The following WWOX variants were observed in gnomAD, a reference collection of about 807,000 sequenced individuals.
WWOX encodes the protein WW domain-containing oxidoreductase.
In WWOX, 69 loss-of-function variants were observed where a neutral mutation model predicts 46.2. The observed-to-expected ratio is 1.49, with a 90% CI of 1.23 to 1.82. The LOEUF (loss-of-function observed/expected upper bound fraction) is 1.82, where lower values mean the gene tolerates loss of function less well. Among genes scored for constraint, WWOX ranks in the 40% most tolerant of loss-of-function variants. WWOX has a pLI of 0.00. For synonymous variants in WWOX, 359 were observed against 202.6 expected (o/e 1.77, Z -6.56); for missense variants, 919 against 542.6 (o/e 1.69, Z -6.89).
At chr16:78,330,856 A>G (rs1240804170) in intron 5 of WWOX, among the ~76,000 whole-genome samples, 1 of 152,232 alleles carries the variant, frequency 6.6e-6, no homozygotes, top group African/African-American at 2.4e-5. Context: ...AAGAAAATAA[A>G]ATTAGATTTT....
chr16:78,709,014 CTA>C (rs1422019434), intron 8 of WWOX, among the ~76,000 whole-genome samples: 2 of 152,154 alleles, frequency 1.3e-5, no homozygotes, highest in Non-Finnish European at 2.9e-5. Context: ...GGCTCATAAA[CTA>C]TGTTTCGAAA....
At chr16:79,019,590 A>G (rs1416509926) in intron 8 of WWOX, among the ~76,000 whole-genome samples, 1 of 152,048 alleles carries the variant, frequency 6.6e-6, no homozygotes, top group African/African-American at 2.4e-5. Flanking sequence ...ACAAAAGCAG[A>G]AAGCAAGCAA....
At chr16:78,401,231 C>CT (rs147220664) in intron 6 of WWOX, among the ~76,000 whole-genome samples, 10,576 of 152,178 alleles carry the variant, frequency 0.069, 469 homozygotes, top group Middle Eastern at 0.14. Flanking sequence ...TCTAATACCA[C>CT]TTTTTTCTAC....
intron 8 of WWOX, among the ~76,000 whole-genome samples, chr16:78,792,326 C>T (rs944579207): frequency 6.6e-6 from 1 of 152,086 alleles, no homozygotes; most frequent in Non-Finnish European, 1.5e-5. Flanking sequence ...GGATCTCTCT[C>T]CTCTACTTCC....
intron 5 of WWOX, among the ~76,000 whole-genome samples, chr16:78,384,795 T>C (rs1268308857): frequency 6.6e-6 from 1 of 152,154 alleles, no homozygotes; most frequent in Admixed American, 6.5e-5. Flanking sequence ...GATGTGCTGT[T>C]GGGGTTTGGG....
intron 4 of WWOX, among the ~76,000 whole-genome samples, chr16:78,132,615 G>T (rs1489034508): frequency 2.6e-5 from 4 of 152,124 alleles, no homozygotes; most frequent in African/African-American, 9.7e-5. Context: ...CTCTTGAGAT[G>T]GTATGTGCTA....
intron 8 of WWOX, among the ~76,000 whole-genome samples, chr16:78,712,497 T>C (rs2048464449): frequency 6.7e-6 from 1 of 149,496 alleles, no homozygotes; most frequent in Non-Finnish European, 1.5e-5. Context: ...TGAGACTCCA[T>C]CTTAAAAAAA....
At chr16:78,846,655 C>T (rs532280766) in intron 8 of WWOX, among the ~76,000 whole-genome samples, 12 of 152,168 alleles carry the variant, frequency 7.9e-5, no homozygotes, top group African/African-American at 2.4e-4. Context: ...TCTCGGTTAA[C>T]GTGGTATCTG....
chr16:78,602,347 C>T (rs1365520461), intron 8 of WWOX, among the ~76,000 whole-genome samples: 2 of 152,162 alleles, frequency 1.3e-5, no homozygotes, highest in Non-Finnish European at 2.9e-5. Flanking sequence ...ATTCTCCTGC[C>T]TCAGCCTCCT....
chr16:79,048,765 A>C (rs111844387), intron 8 of WWOX, among the ~76,000 whole-genome samples: 13 of 152,300 alleles, frequency 8.5e-5, no homozygotes, highest in African/African-American at 3.1e-4. Context: ...CTGCCAGTGG[A>C]GGCAGGAGCC....
At chr16:78,352,299 C>T (rs1482561053) in intron 5 of WWOX, among the ~76,000 whole-genome samples, 1 of 152,162 alleles carries the variant, frequency 6.6e-6, no homozygotes, top group Non-Finnish European at 1.5e-5. Flanking sequence ...ATGTTAGTGA[C>T]TTAGAACCAC....
At chr16:79,201,675 A>G (rs899218618) in intron 8 of WWOX, among the ~76,000 whole-genome samples, 1 of 152,206 alleles carries the variant, frequency 6.6e-6, no homozygotes, top group Non-Finnish European at 1.5e-5. Context: ...TACCTGAGGT[A>G]ATAGCCTCCT....
intron 5 of WWOX, among the ~76,000 whole-genome samples, chr16:78,210,333 G>A (rs1207513780): frequency 6.6e-6 from 1 of 152,202 alleles, no homozygotes; most frequent in Non-Finnish European, 1.5e-5. Context: ...ATACCACTGA[G>A]GATTTTTAAT....
intron 8 of WWOX, among the ~76,000 whole-genome samples, chr16:78,722,555 G>C (rs1295551166): frequency 6.6e-6 from 1 of 152,092 alleles, no homozygotes; most frequent in Non-Finnish European, 1.5e-5. Context: ...ACAAAGCGAG[G>C]AGTTTTTCTG....
chr16:78,322,382 T>C (rs1486426644), intron 5 of WWOX, among the ~76,000 whole-genome samples: 1 of 152,188 alleles, frequency 6.6e-6, no homozygotes, highest in Non-Finnish European at 1.5e-5. Context: ...AAGGAAATAG[T>C]ATATGATAAT....
At chr16:78,202,684 G>A (rs2036268741) in intron 5 of WWOX, among the ~76,000 whole-genome samples, 1 of 152,162 alleles carries the variant, frequency 6.6e-6, no homozygotes, top group Admixed American at 6.5e-5. Context: ...CCATTTGTCA[G>A]CAGTATTTAT....
Position 78,937,092 on chromosome 16 carries a change from C to G in WWOX, c.1057-274516C>G, listed in dbSNP as rs1329515631. On this transcript the variant is annotated intron_variant, in intron 8 of 8. Transcript: ENST00000566780. ...AACTACTGGAACTTCAAAATAGCTT[C>G]TCAGTAATTCCTTCTCAGCAATCAT... 2.6e-5 allele frequency among the ~76,000 whole-genome samples: 4 copies of G among 152,096 alleles called. No homozygotes were observed. In the South Asian group the frequency reaches 8.3e-4, roughly 31 times the overall value.
chr16:78,610,879 G>C (rs143081376), intron 8 of WWOX, among the ~76,000 whole-genome samples: 2 of 152,058 alleles, frequency 1.3e-5, no homozygotes, highest in African/African-American at 2.4e-5. Context: ...ACGTATTCTT[G>C]CAATTAATGA....
chr16:78,603,301 C>T (rs1473508041), intron 8 of WWOX, among the ~76,000 whole-genome samples: 3 of 152,214 alleles, frequency 2.0e-5, no homozygotes, highest in African/African-American at 4.8e-5. Context: ...CCCTTTGGGC[C>T]TGTCCTCTCA....
Sources: gnomAD v4.1 joint callset for allele counts (sites outside exome capture counted in the v4.1 genomes callset) on GRCh38, gnomAD v4.1.1 for gene constraint, MANE v1.5 for transcripts, NCBI Gene and HGNC (gene_info 2026-07-23, HGNC 2026-07-21) for gene names.